The following MAGI2 variants were observed in gnomAD, a reference collection of about 807,000 sequenced individuals.
MAGI2 encodes the protein membrane-associated guanylate kinase, WW and PDZ domain-containing protein 2.
In MAGI2, 35 loss-of-function variants were observed where a neutral mutation model predicts 133.3. The observed-to-expected ratio is 0.26, with a 90% CI of 0.20 to 0.35. The LOEUF (loss-of-function observed/expected upper bound fraction) is 0.35, where lower values mean the gene tolerates loss of function less well. Ranked by LOEUF, MAGI2 falls within the 10% of genes least tolerant of loss-of-function variation. The pLI is 1.00. For missense variants in MAGI2, 1,636 were observed against 1,863.4 expected, an observed-to-expected ratio of 0.88 and a Z score of 2.25; for synonymous variants, 729 against 710.6, an observed-to-expected ratio of 1.03 and a Z score of -0.41.
chr7:79,372,644 C>T (rs1843118510), intron 1 of MAGI2, among the ~76,000 whole-genome samples: 1 of 152,032 alleles, frequency 6.6e-6, no homozygotes, highest in East Asian at 1.9e-4. Flanking sequence ...TCAGAAAATA[C>T]ATTTTAACAC....
intron 6 of MAGI2, among the ~76,000 whole-genome samples, chr7:78,479,321 T>C (rs1792113019): frequency 6.6e-6 from 1 of 151,922 alleles, no homozygotes; most frequent in Non-Finnish European, 1.5e-5. Context: ...TTATTATCAA[T>C]TGGTACCAAA....
intron 1 of MAGI2, among the ~76,000 whole-genome samples, chr7:79,066,317 A>G (rs1814326485): frequency 1.3e-5 from 2 of 149,724 alleles, no homozygotes; most frequent in South Asian, 4.2e-4. Flanking sequence ...TTTAATGACC[A>G]GTGATGATGA....
intron 14 of MAGI2, 130 bp downstream of exon 14, chr7:78,177,880 AT>A (rs1826813532): frequency 6.7e-6 from 4 of 594,258 alleles, no homozygotes; most frequent in Middle Eastern, 5.6e-4. Flanking sequence ...GAAAAAAAAA[AT>A]CCAAAGCTTA....
chr7:78,232,736 G>T (rs1359972100), intron 10 of MAGI2, among the ~76,000 whole-genome samples: 1 of 152,210 alleles, frequency 6.6e-6, no homozygotes, highest in Non-Finnish European at 1.5e-5. Context: ...AATGTGAGGT[G>T]CTGGGACAGT....
At chr7:78,757,911 A>G (rs866856250) in intron 2 of MAGI2, among the ~76,000 whole-genome samples, 1 of 152,188 alleles carries the variant, frequency 6.6e-6, no homozygotes, top group African/African-American at 2.4e-5. Flanking sequence ...TTGCTCCTGA[A>G]TTCCAGAACG....
chr7:79,372,277 GAATGAAA>G (rs1843097093), intron 1 of MAGI2, among the ~76,000 whole-genome samples: 1 of 152,054 alleles, frequency 6.6e-6, no homozygotes, highest in Non-Finnish European at 1.5e-5. Flanking sequence ...ACAATTCAAA[GAATGAAA>G]CTATCCCAGG....
chr7:78,316,782 G>T (rs1787451844), intron 9 of MAGI2, among the ~76,000 whole-genome samples: 1 of 152,136 alleles, frequency 6.6e-6, no homozygotes, highest in African/African-American at 2.4e-5. Flanking sequence ...AGTAAATACT[G>T]TTCAATCCTT....
chr7:78,411,351 A>G (rs1471355342), intron 6 of MAGI2, among the ~76,000 whole-genome samples: 2 of 152,016 alleles, frequency 1.3e-5, no homozygotes, highest in African/African-American at 4.8e-5. Flanking sequence ...TTGAACTGAG[A>G]TTTCTTACTT....
intron 2 of MAGI2, among the ~76,000 whole-genome samples, chr7:78,925,207 G>A (rs907468743): frequency 3.9e-5 from 6 of 151,970 alleles, no homozygotes; most frequent in African/African-American, 1.4e-4. Flanking sequence ...GGCAGTTCAG[G>A]ATTCATCACA....
rs1824502895 is a variant in MAGI2, at chr7:79,162,859, G to A, written c.302-155653C>T. Reference sequence around the variant, plus strand: ...ACACATAGAAGTTAAAAATAAGTCAGTCTTATAACTTTGACTTTTGGTTTT... The same window carrying A: ...ACACATAGAAGTTAAAAATAAGTCAATCTTATAACTTTGACTTTTGGTTTT... On this transcript the variant is annotated intron_variant, in intron 1 of 21. Transcript: ENST00000354212. Among the ~76,000 whole-genome samples, 3 of 152,094 alleles carry A rather than the reference G, an allele frequency of 2.0e-5. No homozygotes were observed. The South Asian group carries it at 6.2e-4, about 32-fold the overall frequency.
intron 6 of MAGI2, among the ~76,000 whole-genome samples, chr7:78,450,887 A>G (rs1249599177): frequency 6.6e-6 from 1 of 152,104 alleles, no homozygotes; most frequent in Non-Finnish European, 1.5e-5. Flanking sequence ...AGCAATAGCG[A>G]GAAGAACAGG....
intron 2 of MAGI2, among the ~76,000 whole-genome samples, chr7:78,937,041 G>C (rs979452995): frequency 6.6e-6 from 1 of 151,866 alleles, no homozygotes; most frequent in Non-Finnish European, 1.5e-5. Context: ...AGGAACCAGG[G>C]TTCCTTAGAA....
In MAGI2 at chr7:78,168,089, A is replaced by T. The variant is rs1825786764; in HGVS notation, c.2423T>A (p.Ile808Asn). The change falls in exon 15 of 22, where the codon ATT becomes AAT. Residue 808 changes from isoleucine (I) to asparagine (N), a missense_variant. Ile to Asn is a moderately radical substitution (Grantham distance 149). Around this residue, in one of 5 missense-constraint regions of MAGI2, gnomAD observed 920 missense variants for 1,093.5 expected, o/e 0.84. Transcript: ENST00000354212. ...PGQPILIGAV[I>N]AMGSADRDGR... ...ATCTCTGTCGGCTGAGCCCATGGCA[A>T]TGACAGCTCCAATCAAAATCTAGAG... The T allele has an allele frequency of 6.2e-7, 1 of 1,614,028 alleles. No individual in the cohort carries two copies. The highest frequency in any genetic ancestry group is 8.5e-7 in the Non-Finnish European group (1 of 1,179,958).
intron 1 of MAGI2, among the ~76,000 whole-genome samples, chr7:79,149,941 T>C (rs969807504): frequency 1.3e-5 from 2 of 152,178 alleles, no homozygotes; most frequent in African/African-American, 4.8e-5. Flanking sequence ...CCTATCAATA[T>C]TAAGCAATAG....
At chr7:78,494,803 C>G (rs1264121990) in intron 5 of MAGI2, among the ~76,000 whole-genome samples, 1 of 152,076 alleles carries the variant, frequency 6.6e-6, no homozygotes, top group African/African-American at 2.4e-5. Context: ...AAACTAGAAA[C>G]AGACTTAAAA....
chr7:78,945,790 C>T (rs1421607696), intron 2 of MAGI2, among the ~76,000 whole-genome samples: 1 of 152,184 alleles, frequency 6.6e-6, no homozygotes, highest in African/African-American at 2.4e-5. Context: ...GTGCGTCACA[C>T]AGGATACCTA....
At chr7:79,091,077 C>T (rs1168480839) in intron 1 of MAGI2, among the ~76,000 whole-genome samples, 1 of 151,798 alleles carries the variant, frequency 6.6e-6, no homozygotes, top group Admixed American at 6.6e-5. Context: ...ATTATTACCT[C>T]TTATCTTCTT....
intron 9 of MAGI2, chr7:78,285,558 C>T (rs548357596): frequency 6.6e-6 from 1 of 152,158 alleles, no homozygotes; most frequent in South Asian, 2.1e-4. Flanking sequence ...TGTTAATGTC[C>T]TAGTTTGGGA....
At chr7:78,857,925 T>C (rs1793803525) in intron 2 of MAGI2, among the ~76,000 whole-genome samples, 1 of 152,236 alleles carries the variant, frequency 6.6e-6, no homozygotes. Context: ...TGCCTCAATT[T>C]CAGAACCTGT....
Sources: allele counts gnomAD v4.1 joint callset (sites outside exome capture counted in the v4.1 genomes callset), GRCh38; gene constraint gnomAD v4.1.1; regional missense constraint gnomAD v4.1.1; transcripts MANE v1.5; gene names NCBI Gene and HGNC (gene_info 2026-07-23, HGNC 2026-07-21).